Variants in NRG4 observed in about 807,000 individuals in gnomAD.
NRG4 encodes pro-neuregulin-4, membrane-bound isoform.
NRG4 carries 10 observed loss-of-function variants against 15.0 expected under a neutral mutation model. The observed-to-expected ratio is 0.67, with a 90% CI of 0.41 to 1.13. The LOEUF is 1.13. NRG4 is among the 50% of genes most tolerant of loss of function. The pLI is 0.00. For synonymous variants in NRG4, 41 were observed against 50.1 expected (o/e 0.82, Z 0.77); for missense variants, 139 against 140.2 (o/e 0.99, Z 0.04).
chr15:75,951,570 A>G (rs917977083), intron 5 of NRG4, among the ~76,000 whole-genome samples: 1 of 151,990 alleles, frequency 6.6e-6, no homozygotes, highest in Non-Finnish European at 1.5e-5. Context: ...TTTTTATCCA[A>G]TTTTACAATC....
upstream of NRG4, among the ~76,000 whole-genome samples, chr15:76,012,650 T>C (rs910299742): frequency 5.3e-5 from 8 of 152,180 alleles, no homozygotes; most frequent in African/African-American, 1.7e-4. Flanking sequence ...TCCTTACTTA[T>C]CTTTGCTTGT....
intron 3 of NRG4, among the ~76,000 whole-genome samples, chr15:76,005,976 A>T (rs548303371): frequency 6.6e-6 from 1 of 152,302 alleles, no homozygotes; most frequent in African/African-American, 2.4e-5. Flanking sequence ...CTAAAAAGTA[A>T]GGTATTATTT....
chr15:75,996,957 G>C (rs2034237440), intron 3 of NRG4, among the ~76,000 whole-genome samples: 1 of 152,052 alleles, frequency 6.6e-6, no homozygotes, highest in Non-Finnish European at 1.5e-5. Context: ...AAAAGGATGA[G>C]GTAGGTGTCA....
intron 5 of NRG4, among the ~76,000 whole-genome samples, chr15:76,017,965 A>C (rs7162085): frequency 0.037 from 5,629 of 152,206 alleles, 183 homozygotes; most frequent in African/African-American, 0.085. Context: ...AGGTACACCA[A>C]TCAAATGTAG....
At chr15:76,004,725 C>T (rs1025349273) in intron 3 of NRG4, among the ~76,000 whole-genome samples, 1 of 151,656 alleles carries the variant, frequency 6.6e-6, no homozygotes, top group African/African-American at 2.4e-5. Context: ...TACAAAAGCC[C>T]CTTCTTATCA....
At chr15:75,945,994 T>C (rs773068042) in intron 5 of NRG4, 1 of 152,202 alleles carries the variant, frequency 6.6e-6, no homozygotes. Flanking sequence ...TCCTGCACTT[T>C]GGGGCCATTA....
chr15:75,991,890 T>C (rs912889144), intron 3 of NRG4, among the ~76,000 whole-genome samples: 1 of 152,188 alleles, frequency 6.6e-6, no homozygotes, highest in African/African-American at 2.4e-5. Context: ...AATTAATATG[T>C]TTGTATGTTG....
intron 3 of NRG4, among the ~76,000 whole-genome samples, chr15:75,999,095 A>G (rs1005110999): frequency 2.0e-5 from 3 of 152,212 alleles, no homozygotes; most frequent in Non-Finnish European, 4.4e-5. Flanking sequence ...ATACATATAG[A>G]GTTTCACATA....
intron 3 of NRG4, among the ~76,000 whole-genome samples, chr15:75,992,907 T>C (rs2034072786): frequency 6.6e-6 from 1 of 151,316 alleles, no homozygotes; most frequent in South Asian, 2.1e-4. Flanking sequence ...ATTCATGAGT[T>C]GATGGACACT....
chr15:76,059,864 A>C, upstream of NRG4: 2 of 140,376 alleles, frequency 1.4e-5, no homozygotes, highest in East Asian at 2.4e-4. Flanking sequence ...CGCCGGCGCG[A>C]GGCCTCGCGC....
At chr15:75,999,953 G>A (rs1014218135) in intron 3 of NRG4, among the ~76,000 whole-genome samples, 3 of 152,126 alleles carry the variant, frequency 2.0e-5, no homozygotes, top group Non-Finnish European at 2.9e-5. Flanking sequence ...GCATGATCTC[G>A]GCTCACTGCA....
At chr15:75,960,535 C>G (rs1416157276) in intron 4 of NRG4, among the ~76,000 whole-genome samples, 1 of 152,128 alleles carries the variant, frequency 6.6e-6, no homozygotes, top group Non-Finnish European at 1.5e-5. Context: ...CCTGGGATGG[C>G]TCATTAAAAT....
intron 3 of NRG4, among the ~76,000 whole-genome samples, chr15:76,006,873 A>T (rs144016972): frequency 6.6e-5 from 10 of 152,304 alleles, no homozygotes; most frequent in African/African-American, 2.4e-4. Context: ...CAGCATTCTT[A>T]GTTCTTTCTT....
At chr15:75,983,721 G>C (rs2141856105) in intron 3 of NRG4, among the ~76,000 whole-genome samples, 1 of 152,024 alleles carries the variant, frequency 6.6e-6, no homozygotes, top group South Asian at 2.1e-4. Context: ...TAGAAGATAG[G>C]CAGGAAAAGC....
At chr15:75,967,672 G>A (rs1235348451) in intron 3 of NRG4, among the ~76,000 whole-genome samples, 1 of 151,958 alleles carries the variant, frequency 6.6e-6, no homozygotes, top group Non-Finnish European at 1.5e-5. Flanking sequence ...ATGTTGGCCA[G>A]GTGGGTCTCG....
At chr15:76,033,550 A>G (rs142184680) in intron 5 of NRG4, among the ~76,000 whole-genome samples, 2 of 152,380 alleles carry the variant, frequency 1.3e-5, no homozygotes, top group Non-Finnish European at 2.9e-5. Flanking sequence ...GTAACAGTCA[A>G]CCCAGTTCAC....
upstream of NRG4, among the ~76,000 whole-genome samples, chr15:76,016,616 G>A (rs1464105853): frequency 1.3e-5 from 2 of 152,150 alleles, no homozygotes; most frequent in Admixed American, 1.3e-4. Context: ...CTCAAGAGCA[G>A]GTTGTTCAGT....
At position 75,989,209 on chromosome 15, in the gene NRG4, A is replaced by G. The variant is rs77793041; in HGVS notation, c.104+19991T>C. On this transcript the variant is annotated intron_variant, in intron 3 of 5. Coordinates refer to ENST00000394907, the MANE Select transcript of NRG4 (RefSeq NM_138573.4). ...ACTGTTCCTGCTTCAACTCAAAGCA[A>G]TGTGGATGTTTTGGACTTATGCAAA... Among the ~76,000 whole-genome samples, 1,062 of 152,264 alleles carry G rather than the reference A, an allele frequency of 7.0e-3. 22 individuals carry two copies. Among genetic ancestry groups the G allele is most frequent in the East Asian group, 0.031 (160 of 5,178 alleles).
At chr15:75,936,401 T>G (rs2030337051), downstream of NRG4, 1 of 152,204 alleles carries the variant, frequency 6.6e-6, no homozygotes, top group Non-Finnish European at 1.5e-5. Context: ...GAAAGTTACT[T>G]TAATATTGAC....
Sources: gnomAD v4.1 joint callset for allele counts (sites outside exome capture counted in the v4.1 genomes callset) on GRCh38, gnomAD v4.1.1 for gene constraint, MANE v1.5 for transcripts, NCBI Gene and HGNC (gene_info 2026-07-23, HGNC 2026-07-21) for gene names.